LAMB4: variants seen among roughly 807,000 people sequenced by gnomAD.
LAMB4 encodes the protein laminin subunit beta-4.
LAMB4 carries 196 observed loss-of-function variants against 199.2 expected under a neutral mutation model. The observed-to-expected ratio is 0.98, with a 90% CI of 0.88 to 1.11. LAMB4 has a LOEUF of 1.11. LAMB4 is among the 50% of genes least tolerant of loss of function. The pLI is 0.00. For missense variants in LAMB4, 2,080 were observed against 2,171.2 expected, an observed-to-expected ratio of 0.96 and a Z score of 0.83; for synonymous variants, 744 against 770.6, an observed-to-expected ratio of 0.97 and a Z score of 0.57.
intron 16 of LAMB4, among the ~76,000 whole-genome samples, chr7:108,077,866 G>A (rs915427077): frequency 2.0e-5 from 3 of 152,096 alleles, no homozygotes; most frequent in African/African-American, 7.2e-5. Context: ...CCTGGGGACC[G>A]GAAAAGGAAC....
the LAMB4 span, among the ~76,000 whole-genome samples, chr7:108,018,485 G>A: frequency 4.7e-4 from 72 of 152,078 alleles, 1 homozygote; most frequent in South Asian, 1.9e-3. Flanking sequence ...CATGCCTGTA[G>A]TCCCAGCACT....
At chr7:108,093,509 A>C (rs1216357685) in intron 12 of LAMB4, among the ~76,000 whole-genome samples, 1 of 152,222 alleles carries the variant, frequency 6.6e-6, no homozygotes. Context: ...ACTTTAGCAT[A>C]GGCATTTGTT....
At chr7:108,057,125 C>T (rs2036010375) in intron 24 of LAMB4, among the ~76,000 whole-genome samples, 1 of 152,168 alleles carries the variant, frequency 6.6e-6, no homozygotes, top group Admixed American at 6.5e-5. Context: ...ACTTCATCAC[C>T]TGGAGGCCAT....
chr7:108,092,224 G>T, intron 13 of LAMB4, 113 bp downstream of exon 13: 2 of 760,086 alleles, frequency 2.6e-6, no homozygotes, highest in Non-Finnish European at 4.5e-6. Flanking sequence ...AATGTCTCAA[G>T]ATCATTGCTT....
At chr7:108,088,462 C>G (rs1335985020) in intron 14 of LAMB4, among the ~76,000 whole-genome samples, 2 of 152,124 alleles carry the variant, frequency 1.3e-5, no homozygotes, top group African/African-American at 4.8e-5. Context: ...CCATGCCTGG[C>G]CTAACATCTT....
At chr7:108,066,673 G>T (rs2036355145) in intron 19 of LAMB4, 73 bp from the exon 20 acceptor site, 3 of 985,728 alleles carry the variant, frequency 3.0e-6, no homozygotes, top group Non-Finnish European at 4.6e-6. Context: ...TACAGTTCTG[G>T]TGTCTCATTT....
At chr7:108,066,250 T>C (rs1356416824) in intron 20 of LAMB4, 119 bp downstream of exon 20, 3 of 763,292 alleles carry the variant, frequency 3.9e-6, no homozygotes, top group Non-Finnish European at 4.3e-6. Flanking sequence ...CTCCCCGACC[T>C]ATAACAGTCC....
chr7:108,074,356 C>T (rs999389925), intron 17 of LAMB4, among the ~76,000 whole-genome samples: 1 of 152,086 alleles, frequency 6.6e-6, no homozygotes, highest in Admixed American at 6.6e-5. Context: ...TAATTGAATG[C>T]AATATTTTAT....
At chr7:108,108,089 T>C (rs1488435816) in intron 5 of LAMB4, among the ~76,000 whole-genome samples, 2 of 152,060 alleles carry the variant, frequency 1.3e-5, no homozygotes, top group Non-Finnish European at 2.9e-5. Flanking sequence ...TAGAGGTGCA[T>C]GCCACCATGC....
chr7:108,077,437 G>A (rs1440282298), intron 16 of LAMB4, among the ~76,000 whole-genome samples: 2 of 152,150 alleles, frequency 1.3e-5, no homozygotes, highest in African/African-American at 4.8e-5. Flanking sequence ...GCTCACACCT[G>A]TAATCCCAGC....
chr7:108,099,851 A>G (rs1177526858), intron 10 of LAMB4, among the ~76,000 whole-genome samples: 3 of 152,188 alleles, frequency 2.0e-5, no homozygotes, highest in Non-Finnish European at 4.4e-5. Context: ...TTGCTCTCTG[A>G]CACAATCTTT....
chr7:108,037,204 C>A (rs1477492738), intron 30 of LAMB4, among the ~76,000 whole-genome samples, 184 bp downstream of exon 30: 1 of 152,022 alleles, frequency 6.6e-6, no homozygotes, highest in African/African-American at 2.4e-5. Context: ...AACCCTGAAC[C>A]CTGTCACCGA....
chr7:108,087,719 C>A (rs906112419), intron 14 of LAMB4, among the ~76,000 whole-genome samples: 2 of 128,222 alleles, frequency 1.6e-5, no homozygotes, highest in African/African-American at 5.7e-5. Context: ...AAGAGGAGAG[C>A]CACTCCTCAG....
At chr7:108,126,961 G>A (rs1007861471) in intron 1 of LAMB4, among the ~76,000 whole-genome samples, 2 of 152,078 alleles carry the variant, frequency 1.3e-5, no homozygotes, top group African/African-American at 2.4e-5. Context: ...ACTAATTAAG[G>A]CAGAATCTCT....
At chr7:108,072,067 T>C (rs1449974399) in intron 17 of LAMB4, among the ~76,000 whole-genome samples, 1 of 152,012 alleles carries the variant, frequency 6.6e-6, no homozygotes, top group East Asian at 1.9e-4. Flanking sequence ...GTCACAGCAA[T>C]AGAGTGATGT....
At chr7:108,012,861 C>T in the LAMB4 span, among the ~76,000 whole-genome samples, 1 of 152,208 alleles carries the variant, frequency 6.6e-6, no homozygotes, top group Non-Finnish European at 1.5e-5. Context: ...ACAGCTCCTT[C>T]TATCTGGAAT....
intron 28 of LAMB4, 109 bp from the exon 29 acceptor site, chr7:108,044,005 T>C (rs2035531173): frequency 1.1e-6 from 1 of 870,092 alleles, no homozygotes; most frequent in African/African-American, 1.8e-5. Context: ...CACTAAAAAC[T>C]AAATAAAAGT....
At chr7:108,088,294 C>T (rs2037262012) in intron 14 of LAMB4, among the ~76,000 whole-genome samples, 1 of 152,116 alleles carries the variant, frequency 6.6e-6, no homozygotes, top group Admixed American at 6.5e-5. Context: ...TCCCAAGTAG[C>T]TGGGACTACA....
intron 33 of LAMB4, among the ~76,000 whole-genome samples, chr7:108,027,343 C>G (rs1294266929): frequency 1.3e-5 from 2 of 152,094 alleles, no homozygotes; most frequent in African/African-American, 2.4e-5. Flanking sequence ...TACCCACAAG[C>G]CTGCTGCTTT....
Sources: gnomAD v4.1 joint callset for allele counts (sites outside exome capture counted in the v4.1 genomes callset) on GRCh38, gnomAD v4.1.1 for gene constraint, MANE v1.5 for transcripts, NCBI Gene and HGNC (gene_info 2026-07-23, HGNC 2026-07-21) for gene names.